Variants in IPO5 observed in about 807,000 individuals in gnomAD.
IPO5 encodes importin 5.
In IPO5, 18 loss-of-function variants were observed where a neutral mutation model predicts 143.3. That is an observed-to-expected ratio of 0.13 (90% CI 0.09 to 0.19). The LOEUF (loss-of-function observed/expected upper bound fraction) is 0.19, where lower values mean the gene tolerates loss of function less well. Ranked by LOEUF, IPO5 falls within the 10% of genes least tolerant of loss-of-function variation. The pLI is 1.00. For missense variants in IPO5, 1,013 were observed against 1,336.9 expected (o/e 0.76, Z 3.78); for synonymous variants, 477 against 465.7 (o/e 1.02, Z -0.31).
chr13:98,020,372 CTTGT>C lies in IPO5; in HGVS notation c.3065+566_3065+569del, dbSNP rs560013276. The stretch of plus-strand genomic sequence containing the variant: ...TAGGCCAACAGGTATATTCTCCATA[CTTGT>C]TTAAGTTCAGGTTCACATAAGAAAT... On this transcript the variant is annotated intron_variant, in intron 27 of 28. Transcript: ENST00000651721. 4.7e-4 allele frequency among the ~76,000 whole-genome samples: 72 copies of C among 152,322 alleles called. 1 individual carries two copies. In the East Asian group the frequency reaches 0.013, roughly 28 times the overall value.
At chr13:98,013,888 G>C (rs1446858978) in intron 21 of IPO5, among the ~76,000 whole-genome samples, 154 bp from the exon 22 acceptor site, 1 of 152,170 alleles carries the variant, frequency 6.6e-6, no homozygotes, top group Non-Finnish European at 1.5e-5. Context: ...CAGGAGGTAT[G>C]TCTTTTCTAT....
chr13:97,975,265 T>C (rs995561477), intron 3 of IPO5, among the ~76,000 whole-genome samples: 19 of 140,526 alleles, frequency 1.4e-4, no homozygotes, highest in African/African-American at 4.8e-4. Flanking sequence ...GGGGGGCTGG[T>C]ATCGCCTGAG....
At chr13:98,014,579 G>C (rs763121554) in intron 22 of IPO5, among the ~76,000 whole-genome samples, 53 of 152,122 alleles carry the variant, frequency 3.5e-4, no homozygotes, top group Non-Finnish European at 6.3e-4. Flanking sequence ...TGTATGATTT[G>C]TTAAAAAATA....
intron 5 of IPO5, among the ~76,000 whole-genome samples, chr13:97,983,549 C>T (rs1256318111): frequency 6.4e-5 from 8 of 125,316 alleles, no homozygotes; most frequent in African/African-American, 2.0e-4. Context: ...CCCCCCCCCC[C>T]ACCGTCCCCC....
At chr13:98,015,821 G>C (rs753172580) in intron 24 of IPO5, 40 bp downstream of exon 24, 2 of 1,311,892 alleles carry the variant, frequency 1.5e-6, no homozygotes, top group Admixed American at 4.4e-5. Flanking sequence ...GTGACCACTT[G>C]CATCTGAAAG....
intron 4 of IPO5, chr13:97,982,249 A>T: frequency 2.8e-6 from 1 of 362,230 alleles, no homozygotes. Context: ...ACCAGGGAGC[A>T]TAAGTTGGGA....
chr13:97,976,022 G>GTGACCC, intron 3 of IPO5: 1 of 927,244 alleles, frequency 1.1e-6, no homozygotes. Context: ...GGTCTAAAGG[G>GTGACCC]ACTGCCTTCC....
chr13:98,018,767 T>A, intron 26 of IPO5, 63 bp downstream of exon 26: 1 of 1,203,246 alleles, frequency 8.3e-7, no homozygotes, highest in Non-Finnish European at 1.2e-6. Flanking sequence ...CCTACTTTAC[T>A]CTCTTTACCA....
In IPO5 at chr13:98,018,608, G is replaced by A. The variant is rs774856144; in HGVS notation, c.2740G>A (p.Val914Ile). 1.2e-6 allele frequency: 2 copies of A among 1,614,034 alleles called. No homozygotes were observed. Among genetic ancestry groups the A allele is most frequent in the Non-Finnish European group, 1.7e-6 (2 of 1,180,000 alleles). Residue 914 changes from valine to isoleucine, a missense_variant, in exon 26 of 29, where the codon GTA becomes ATA. Physicochemically the swap from Val to Ile is conservative, Grantham distance 29. Around this residue, in one of 2 missense-constraint regions of IPO5, gnomAD observed 685 missense variants for 994.9 expected, o/e 0.69. Coordinates refer to ENST00000651721, the MANE Select transcript of IPO5 (RefSeq NM_002271.6). ...EYFLRPMLQYVCDNSPEVRQA... is the reference protein window; with the variant it reads ...EYFLRPMLQYICDNSPEVRQA... ...TTTCTTAAGACCAATGCTCCAATAT[G>A]TATGTGACAACAGCCCAGAAGTCAG...
chr13:98,005,259 G>A (rs1018207030), intron 16 of IPO5, among the ~76,000 whole-genome samples: 2 of 151,250 alleles, frequency 1.3e-5, no homozygotes, highest in Non-Finnish European at 2.9e-5. Flanking sequence ...ATGTAGTGGC[G>A]CAATCTCGGC....
chr13:97,966,914 T>C (rs979598646), intron 2 of IPO5, among the ~76,000 whole-genome samples: 4 of 152,130 alleles, frequency 2.6e-5, no homozygotes, highest in Non-Finnish European at 4.4e-5. Context: ...TGTGTGCCTA[T>C]AGTCCCAGCT....
Position 98,000,588 on chromosome 13 carries a change from G to C in IPO5, c.1051G>C (p.Gly351Arg), listed in dbSNP as rs778273822. 3 of 1,613,976 alleles carry C rather than the reference G, an allele frequency of 1.9e-6. No individual in the cohort carries two copies. The highest frequency in any genetic ancestry group is 2.5e-6 in the Non-Finnish European group (3 of 1,179,996). The change falls in exon 13 of 29, where the codon GGT (glycine) becomes CGT (arginine). Residue 351 changes from glycine (G) to arginine (R), a missense_variant. Around this residue, in one of 2 missense-constraint regions of IPO5, gnomAD observed 685 missense variants for 994.9 expected, o/e 0.69. Coordinates refer to ENST00000651721, the MANE Select transcript of IPO5 (RefSeq NM_002271.6). ...SALDRMACGL[G>R]GKLVLPMIKE... ...TCTAGATCGAATGGCTTGCGGACTT[G>C]GTGGAAAGCTCGTTCTGCCGATGAT...
chr13:97,971,956 C>G (rs1836399138), intron 3 of IPO5, among the ~76,000 whole-genome samples: 1 of 152,048 alleles, frequency 6.6e-6, no homozygotes, highest in Non-Finnish European at 1.5e-5. Context: ...ACTATCATTC[C>G]AATTTTACAG....
chr13:97,958,280 A>ACGTGG, intron 2 of IPO5, among the ~76,000 whole-genome samples: 1 of 151,960 alleles, frequency 6.6e-6, no homozygotes, highest in Admixed American at 6.6e-5. Flanking sequence ...ATCCTCAGCC[A>ACGTGG]CGTGGCTGTT....
rs767903612 is a variant in IPO5, at chr13:98,018,619, C to T, written c.2751C>T (p.Asn917=). 3 of 1,614,072 alleles carry T rather than the reference C, an allele frequency of 1.9e-6. No individual in the cohort carries two copies. Among genetic ancestry groups the T allele is most frequent in the Admixed American group, 1.7e-5 (1 of 60,010 alleles). The part of the protein sequence containing the change: ...LRPMLQYVCD[N]SPEVRQAAAY... ...CAATGCTCCAATATGTATGTGACAA[C>T]AGCCCAGAAGTCAGGCAAGCAGCTG... is the stretch of plus-strand genomic sequence containing the variant. Residue 917 remains asparagine (N), a synonymous_variant, in exon 26 of 29, where the codon AAC becomes AAT. Coordinates refer to ENST00000651721, the MANE Select transcript of IPO5 (RefSeq NM_002271.6).
chr13:97,995,209 T>G (rs1297123606), intron 11 of IPO5, among the ~76,000 whole-genome samples: 1 of 151,208 alleles, frequency 6.6e-6, no homozygotes, highest in Non-Finnish European at 1.5e-5. Context: ...TTTAATAGGT[T>G]TATGGGGAAC....
chr13:97,998,614 C>T (rs1437326677), intron 12 of IPO5, among the ~76,000 whole-genome samples: 1 of 152,198 alleles, frequency 6.6e-6, no homozygotes, highest in African/African-American at 2.4e-5. Flanking sequence ...AATCTGTATT[C>T]ACTGTGCAGT....
At chr13:97,968,756 T>C (rs1037910099) in intron 2 of IPO5, among the ~76,000 whole-genome samples, 1 of 152,172 alleles carries the variant, frequency 6.6e-6, no homozygotes, top group Non-Finnish European at 1.5e-5. Flanking sequence ...AGTGGCACCA[T>C]CTCGGCTCAT....
intron 5 of IPO5, among the ~76,000 whole-genome samples, chr13:97,984,936 C>T (rs773093123): frequency 6.6e-6 from 1 of 150,876 alleles, no homozygotes; most frequent in Non-Finnish European, 1.5e-5. Context: ...TTTTAGGTAT[C>T]GGGAACTCGT....
Sources: allele counts gnomAD v4.1 joint callset (sites outside exome capture counted in the v4.1 genomes callset), GRCh38; gene constraint gnomAD v4.1.1; regional missense constraint gnomAD v4.1.1; transcripts MANE v1.5; gene names NCBI Gene and HGNC (gene_info 2026-07-23, HGNC 2026-07-21).